Variants in TAFA1 observed in about 807,000 individuals in gnomAD.
TAFA1 encodes chemokine-like protein TAFA-1.
TAFA1 carries 4 observed loss-of-function variants against 18.5 expected under a neutral mutation model. The observed-to-expected ratio is 0.22, with a 90% CI of 0.11 to 0.49. TAFA1 has a LOEUF of 0.49. TAFA1 is among the 20% of genes least tolerant of loss of function. The pLI is 0.98. For synonymous variants in TAFA1, 56 were observed against 55.2 expected, an observed-to-expected ratio of 1.01 and a Z score of -0.06; for missense variants, 147 against 169.0, an observed-to-expected ratio of 0.87 and a Z score of 0.72.
At chr3:68,031,916 A>G (rs947192615) in intron 2 of TAFA1, among the ~76,000 whole-genome samples, 12 of 152,244 alleles carry the variant, frequency 7.9e-5, no homozygotes, top group African/African-American at 2.4e-4. Flanking sequence ...GCGTTTTTTA[A>G]TAGTTAATCT....
At chr3:68,434,186 T>C (rs1244338325) in intron 3 of TAFA1, among the ~76,000 whole-genome samples, 1 of 152,130 alleles carries the variant, frequency 6.6e-6, no homozygotes, top group Non-Finnish European at 1.5e-5. Context: ...ATCAATAAAC[T>C]TAAGTTTTTA....
At chr3:68,187,398 A>G (rs756345273) in intron 2 of TAFA1, among the ~76,000 whole-genome samples, 3 of 152,008 alleles carry the variant, frequency 2.0e-5, no homozygotes, top group Non-Finnish European at 2.9e-5. Context: ...GGCCAAAGGT[A>G]TGATTCTGTT....
chr3:68,062,486 G>T (rs2064617082), intron 2 of TAFA1, among the ~76,000 whole-genome samples: 1 of 152,150 alleles, frequency 6.6e-6, no homozygotes, highest in South Asian at 2.1e-4. Flanking sequence ...TTGGGAAAGT[G>T]AACACCAAAC....
At chr3:68,060,517 G>A (rs1575596122) in intron 2 of TAFA1, among the ~76,000 whole-genome samples, 1 of 152,220 alleles carries the variant, frequency 6.6e-6, no homozygotes, top group African/African-American at 2.4e-5. Context: ...TTCAGGCAGA[G>A]AAGCGGACAG....
chr3:68,055,187 C>G (rs1461322018), intron 2 of TAFA1, among the ~76,000 whole-genome samples: 1 of 152,104 alleles, frequency 6.6e-6, no homozygotes, highest in Non-Finnish European at 1.5e-5. Context: ...TGAAGAAACT[C>G]TGGGAAATCT....
chr3:68,438,107 C>T (rs1559670016), intron 3 of TAFA1, among the ~76,000 whole-genome samples: 1 of 152,170 alleles, frequency 6.6e-6, no homozygotes, highest in African/African-American at 2.4e-5. Context: ...GCCTGTAATA[C>T]AAGCACTTTG....
intron 2 of TAFA1, among the ~76,000 whole-genome samples, chr3:68,060,648 A>T (rs1247414815): frequency 6.6e-6 from 1 of 152,106 alleles, no homozygotes; most frequent in Non-Finnish European, 1.5e-5. Context: ...GGCCCCTGTG[A>T]ATGTGGAGAA....
At chr3:68,298,261 C>A (rs115095894) in intron 2 of TAFA1, among the ~76,000 whole-genome samples, 3,403 of 152,222 alleles carry the variant, frequency 0.022, 54 homozygotes, top group Non-Finnish European at 0.034. Flanking sequence ...GGAGTTTGAA[C>A]TAGGGATCCA....
intron 2 of TAFA1, among the ~76,000 whole-genome samples, chr3:68,197,874 A>G (rs2066430122): frequency 6.6e-6 from 1 of 151,668 alleles, no homozygotes; most frequent in African/African-American, 2.4e-5. Context: ...GGTGGGTTGG[A>G]AGTTTCTAAG....
At chr3:68,412,365 G>A (rs2070734693) in intron 2 of TAFA1, among the ~76,000 whole-genome samples, 1 of 150,994 alleles carries the variant, frequency 6.6e-6, no homozygotes, top group Admixed American at 6.6e-5. Flanking sequence ...TTTTAAATTT[G>A]GATATATATT....
rs529193520 is a variant in TAFA1, at chr3:68,254,265, G to A, written c.119-163015G>A. Among the ~76,000 whole-genome samples, 11 of 152,010 alleles carry A rather than the reference G, an allele frequency of 7.2e-5. No individual in the cohort carries two copies. The East Asian group carries it at 2.1e-3, about 29-fold the overall frequency. The stretch of plus-strand genomic sequence containing the variant: ...AACATGGATAAAACACAGAACATGA[G>A]AATTCAATATTAGAATATGGGACAA... On this transcript the variant is annotated intron_variant, in intron 2 of 4. Coordinates refer to ENST00000478136, the MANE Select transcript of TAFA1 (RefSeq NM_213609.4).
intron 2 of TAFA1, among the ~76,000 whole-genome samples, chr3:68,271,401 T>A (rs1258026951): frequency 1.3e-5 from 2 of 152,066 alleles, no homozygotes; most frequent in Non-Finnish European, 2.9e-5. Context: ...CACCTCTAAT[T>A]GGCCAGGCCT....
At chr3:68,293,018 G>C (rs2068139029) in intron 2 of TAFA1, among the ~76,000 whole-genome samples, 1 of 148,642 alleles carries the variant, frequency 6.7e-6, no homozygotes, top group African/African-American at 2.5e-5. Context: ...ACCTTTTTTA[G>C]ACTGTTAGTA....
At chr3:68,121,749 A>G (rs2065402064) in intron 2 of TAFA1, among the ~76,000 whole-genome samples, 2 of 152,178 alleles carry the variant, frequency 1.3e-5, no homozygotes, top group Admixed American at 1.3e-4. Context: ...ATCAAAACGT[A>G]GCATACACTG....
At chr3:68,027,284 C>T (rs1207098271) in intron 2 of TAFA1, among the ~76,000 whole-genome samples, 1 of 152,114 alleles carries the variant, frequency 6.6e-6, no homozygotes, top group Non-Finnish European at 1.5e-5. Flanking sequence ...TGAAATTAGA[C>T]TTTTCTCCCA....
intron 2 of TAFA1, among the ~76,000 whole-genome samples, chr3:68,230,587 T>C (rs1314637364): frequency 6.6e-6 from 1 of 152,228 alleles, no homozygotes; most frequent in African/African-American, 2.4e-5. Context: ...AACATGTGGG[T>C]GCAGATATCT....
At chr3:68,429,618 A>G (rs2071128733) in intron 3 of TAFA1, among the ~76,000 whole-genome samples, 1 of 151,904 alleles carries the variant, frequency 6.6e-6, no homozygotes, top group South Asian at 2.1e-4. Flanking sequence ...CATACACACC[A>G]TCATCATTCA....
At chr3:68,145,080 A>G (rs1381261694) in intron 2 of TAFA1, 34 of 1,483,362 alleles carry the variant, frequency 2.3e-5, no homozygotes, top group Non-Finnish European at 3.0e-5. Context: ...CAGGAGCTCG[A>G]GGCCCCTGGA....
chr3:68,459,974 C>T (rs770531799), intron 3 of TAFA1, among the ~76,000 whole-genome samples: 8 of 152,114 alleles, frequency 5.3e-5, no homozygotes, highest in Admixed American at 1.3e-4. Context: ...ATGAGGGAAA[C>T]GTGTTAAGGC....
Sources: gnomAD v4.1 joint callset for allele counts (sites outside exome capture counted in the v4.1 genomes callset) on GRCh38, gnomAD v4.1.1 for gene constraint, MANE v1.5 for transcripts, NCBI Gene and HGNC (gene_info 2026-07-23, HGNC 2026-07-21) for gene names.